The following HECTD4 variants were observed in gnomAD, a reference collection of about 807,000 sequenced individuals.
HECTD4 encodes probable E3 ubiquitin-protein ligase HECTD4.
HECTD4 carries 114 observed loss-of-function variants against 471.5 expected under a neutral mutation model. That is an observed-to-expected ratio of 0.24 (90% CI 0.21 to 0.28). The LOEUF (loss-of-function observed/expected upper bound fraction) is 0.28, where lower values mean the gene tolerates loss of function less well. HECTD4 is among the 10% of genes least tolerant of loss of function. The probability of loss-of-function intolerance (pLI) is 1.00; values close to 1 mark genes in which losing one functional copy is unlikely to be tolerated. For synonymous variants in HECTD4, 2,012 were observed against 2,256.0 expected (o/e 0.89, Z 3.07); for missense variants, 3,866 against 5,651.5 (o/e 0.68, Z 10.13).
intron 8 of HECTD4, among the ~76,000 whole-genome samples, chr12:112,282,243 C>T (rs546135780): frequency 1.0e-3 from 157 of 152,132 alleles, no homozygotes; most frequent in African/African-American, 3.6e-3. Context: ...ATTAGCCAGG[C>T]GTGGTAGCGG....
At chr12:112,182,968 G>A in intron 62 of HECTD4, 91 bp downstream of exon 62, 2 of 857,554 alleles carry the variant, frequency 2.3e-6, no homozygotes, top group East Asian at 2.4e-5. Flanking sequence ...GGATACTGGG[G>A]AGGGGAGGAG....
chr12:112,246,022 C>T (rs1230351641), intron 29 of HECTD4, among the ~76,000 whole-genome samples: 4 of 151,792 alleles, frequency 2.6e-5, no homozygotes, highest in African/African-American at 7.3e-5. Flanking sequence ...ATCCCACCTA[C>T]CTGGGAAGCT....
At chr12:112,327,296 G>A (rs1373663850) in intron 1 of HECTD4, among the ~76,000 whole-genome samples, 5 of 152,032 alleles carry the variant, frequency 3.3e-5, no homozygotes, top group South Asian at 2.1e-4. Context: ...CAGCCTGGGC[G>A]ACAGAGCAAA....
chr12:112,250,088 ATT>A (rs2033846822), intron 25 of HECTD4, 54 bp downstream of exon 25: 1 of 1,240,562 alleles, frequency 8.1e-7, no homozygotes, highest in East Asian at 2.4e-5. Context: ...ACCCATTTCA[ATT>A]GTTTAAACTT....
intron 49 of HECTD4, among the ~76,000 whole-genome samples, chr12:112,211,005 G>T (rs1161107147): frequency 6.6e-6 from 1 of 152,202 alleles, no homozygotes; most frequent in African/African-American, 2.4e-5. Context: ...GATGGTATCA[G>T]ACACATGGTA....
Position 112,166,063 on chromosome 12 carries a change from T to C in HECTD4, c.12534+1254A>G, listed in dbSNP as rs886250380. On this transcript the variant is annotated intron_variant, in intron 72 of 75. Transcript: ENST00000682272. This position sits in a 1 kb window ranked among gnomAD's most constrained non-coding sequence, Gnocchi z 4.6. ...CCCTCTGGGGCCTTGGCCATCCCTG[T>C]AGCCAGAAGCCTCAGCTGGCCTGTC... is the stretch of plus-strand genomic sequence containing the variant. 8 of 152,574 alleles carry C rather than the reference T, an allele frequency of 5.2e-5. No individual in the cohort carries two copies. The highest frequency in any genetic ancestry group is 1.9e-4 in the African/African-American group (8 of 41,446). The allele number at this position is 152,574 out of a possible 1,614,324, so 9.5% of individuals were successfully genotyped here.
At position 112,216,536 on chromosome 12, in the gene HECTD4, T is replaced by C. The variant is rs143044487; in HGVS notation, c.7386-165A>G. Among the ~76,000 whole-genome samples, 4 of 152,292 alleles carry C rather than the reference T, an allele frequency of 2.6e-5. No homozygotes were observed. The East Asian group carries it at 7.7e-4, about 29-fold the overall frequency. On this transcript the variant is annotated intron_variant, in intron 47 of 75. Transcript: ENST00000682272. ...ACCCACACCAATATTTCCCAAACTG[T>C]ATTCCTAGAATAAAGGGTTATAGAA...
chr12:112,240,041 A>C lies in HECTD4; in HGVS notation c.4959-14T>G, dbSNP rs1393586595. 3 of 1,612,986 alleles carry C rather than the reference A, an allele frequency of 1.9e-6. No individual in the cohort carries two copies. In the Admixed American group the frequency reaches 5.0e-5, roughly 27 times the overall value. On this transcript the variant is annotated splice_polypyrimidine_tract_variant and intron_variant, in intron 32 of 75. Transcript: ENST00000682272. ...AGTTCTTCAATTCTGTGAAAGAGAAACCAAAGCTCAGGCTTCCTGAACCAT... is the reference window on the plus strand; with the variant it reads ...AGTTCTTCAATTCTGTGAAAGAGAACCCAAAGCTCAGGCTTCCTGAACCAT...
Position 112,314,851 on chromosome 12 carries a change from G to A in HECTD4, c.696-305C>T, listed in dbSNP as rs4766895. ...TAAGGCTCGAGCACAAAGAACTTGT[G>A]GCTATTATGCTTGGTTACTATATCA... is the stretch of plus-strand genomic sequence containing the variant. On this transcript the variant is annotated intron_variant, in intron 2 of 75. Transcript: ENST00000682272. Among the ~76,000 whole-genome samples, 6,428 of 152,214 alleles carry A rather than the reference G, an allele frequency of 0.042. 1,221 individuals carry two copies. In the East Asian group the frequency reaches 0.61, roughly 14 times the overall value.
rs547829141 is a variant in HECTD4, at chr12:112,178,936, G to A, written c.11358C>T (p.Ser3786=). The change falls in exon 64 of 76, where the codon AGC becomes AGT. Residue 3786 remains serine, a synonymous_variant. Coordinates refer to ENST00000682272, the MANE Select transcript of HECTD4 (RefSeq NM_001388303.1). ...PPAKDKAVLN[S]VSRTALSEKK... is the part of the protein sequence containing the mutation. ...AGGCTCCTTGGGGCACGCACCTGAC[G>A]CTGTTGAGCACAGCCTTGTCCTTGG... is the stretch of plus-strand genomic sequence containing the variant. 3.0e-5 allele frequency: 48 copies of A among 1,609,304 alleles called. No individual in the cohort carries two copies. The highest frequency in any genetic ancestry group is 4.5e-5 in the East Asian group (2 of 44,788).
At chr12:112,267,122 G>A (rs569223656) in intron 13 of HECTD4, 140 bp from the exon 14 acceptor site, 24 of 611,878 alleles carry the variant, frequency 3.9e-5, no homozygotes, top group Middle Eastern at 9.0e-4. Flanking sequence ...CCCATTGATC[G>A]CTGGGGTTGA....
intron 1 of HECTD4, among the ~76,000 whole-genome samples, chr12:112,345,919 A>T (rs931960473): frequency 1.3e-5 from 2 of 152,214 alleles, no homozygotes; most frequent in African/African-American, 2.4e-5. Context: ...GAAAGAAAGA[A>T]GAGAAAGCAA....
chr12:112,171,387 G>A, intron 67 of HECTD4, 124 bp from the exon 68 acceptor site: 1 of 1,465,202 alleles, frequency 6.8e-7, no homozygotes, highest in South Asian at 1.2e-5. Flanking sequence ...TGGGACCCTG[G>A]AGATGCTGTC....
intron 22 of HECTD4, 81 bp from the exon 23 acceptor site, chr12:112,252,609 T>C: frequency 6.7e-7 from 1 of 1,498,288 alleles, no homozygotes; most frequent in Non-Finnish European, 9.0e-7. Flanking sequence ...TTCAGAGGTT[T>C]ACTTTCAAAA....
intron 1 of HECTD4, among the ~76,000 whole-genome samples, chr12:112,372,323 A>G (rs1031798570): frequency 4.6e-5 from 7 of 151,760 alleles, no homozygotes; most frequent in African/African-American, 1.5e-4. Flanking sequence ...GCAGTGGCGC[A>G]ATCTCGGCTC....
intron 37 of HECTD4, among the ~76,000 whole-genome samples, chr12:112,233,783 A>G (rs527678869): frequency 3.4e-4 from 51 of 152,178 alleles, no homozygotes; most frequent in Non-Finnish European, 4.7e-4. Context: ...TCCCTTGGCG[A>G]ATGACATCTA....
intron 7 of HECTD4, among the ~76,000 whole-genome samples, chr12:112,294,048 C>T (rs965208056): frequency 3.9e-5 from 6 of 152,072 alleles, no homozygotes; most frequent in African/African-American, 1.4e-4. Flanking sequence ...TACAGTCATG[C>T]ACCACCACAC....
intron 1 of HECTD4, among the ~76,000 whole-genome samples, chr12:112,336,159 C>A (rs2035954122): frequency 6.6e-6 from 1 of 152,140 alleles, no homozygotes; most frequent in Non-Finnish European, 1.5e-5. Context: ...GAAAACAAGA[C>A]AAATAACCAA....
rs754540615 is a variant in HECTD4 at position 112,185,241 on chromosome 12, G to GC, written c.9724dup (p.Ala3242GlyfsTer5). On this transcript the variant is annotated frameshift_variant, in exon 61 of 76. Transcript: ENST00000682272. LOFTEE classifies it high-confidence loss of function. ...GAACCTGCCCTGGTCACCGGCCGCCGCCCCCCCGGAGCCCCCGCAGGCGCC... is the reference window on the plus strand; with the variant it reads ...GAACCTGCCCTGGTCACCGGCCGCCGCCCCCCCCGGAGCCCCCGCAGGCGCC... The GC allele has an allele frequency of 6.5e-6, 10 of 1,549,940 alleles. No individual in the cohort carries two copies. The highest frequency in any genetic ancestry group is 1.7e-6 in the Non-Finnish European group (2 of 1,146,554).
Sources: gnomAD v4.1 joint callset for allele counts (sites outside exome capture counted in the v4.1 genomes callset) on GRCh38, gnomAD v4.1.1 for gene constraint, Gnocchi (gnomAD v3.1) non-coding constraint, MANE v1.5 for transcripts, NCBI Gene and HGNC (gene_info 2026-07-23, HGNC 2026-07-21) for gene names.